WWOX: variants seen among roughly 807,000 people sequenced by gnomAD.
The protein encoded by WWOX is WW domain containing oxidoreductase.
A neutral mutation model predicts 46.2 loss-of-function variants in WWOX; 69 were observed. The ratio of observed to expected loss-of-function variants is 1.49; its 90% CI spans 1.23 to 1.82. The LOEUF (loss-of-function observed/expected upper bound fraction) is 1.82, where lower values mean the gene tolerates loss of function less well. Ranked by LOEUF, WWOX falls within the 40% of genes most tolerant of loss-of-function variation. WWOX has a pLI of 0.00. For synonymous variants in WWOX, 359 were observed against 202.6 expected, an observed-to-expected ratio of 1.77 and a Z score of -6.56; for missense variants, 919 against 542.6, an observed-to-expected ratio of 1.69 and a Z score of -6.89.
At chr16:78,624,253 C>A (rs16948208) in intron 8 of WWOX, among the ~76,000 whole-genome samples, 2,680 of 149,956 alleles carry the variant, frequency 0.018, 89 homozygotes, top group African/African-American at 0.062. Flanking sequence ...GGAAAACTCC[C>A]TGGGTGCCCC....
At chr16:78,251,655 C>A (rs2037987217) in intron 5 of WWOX, among the ~76,000 whole-genome samples, 1 of 152,206 alleles carries the variant, frequency 6.6e-6, no homozygotes. Flanking sequence ...AAAAACATTA[C>A]CGCTGAACCC....
chr16:79,188,607 G>C (rs561734100), intron 8 of WWOX, among the ~76,000 whole-genome samples: 2 of 152,274 alleles, frequency 1.3e-5, no homozygotes, highest in African/African-American at 4.8e-5. Flanking sequence ...TGTTTATCTA[G>C]CAATTCATTT....
At chr16:78,852,175 G>C (rs1306346911) in intron 8 of WWOX, among the ~76,000 whole-genome samples, 6 of 152,216 alleles carry the variant, frequency 3.9e-5, no homozygotes, top group African/African-American at 1.4e-4. Flanking sequence ...TCTAGAGAAA[G>C]GGAGATGAGC....
At chr16:78,390,957 G>A (rs985065787) in intron 6 of WWOX, among the ~76,000 whole-genome samples, 2 of 152,152 alleles carry the variant, frequency 1.3e-5, no homozygotes, top group Non-Finnish European at 2.9e-5. Context: ...GTATTATCAG[G>A]CTCTGAGTTC....
intron 7 of WWOX, 128 bp downstream of exon 7, chr16:78,425,183 C>G: frequency 7.8e-7 from 1 of 1,287,026 alleles, no homozygotes; most frequent in Non-Finnish European, 1.1e-6. Context: ...CTCAGCTTGG[C>G]TCACTTAATT....
At chr16:78,853,373 C>A (rs954844715) in intron 8 of WWOX, among the ~76,000 whole-genome samples, 1 of 152,162 alleles carries the variant, frequency 6.6e-6, no homozygotes, top group South Asian at 2.1e-4. Flanking sequence ...CCACGAAGCC[C>A]GACTGATTTT....
rs369959670 is a variant in WWOX, at chr16:79,211,723, A to G, written c.1172A>G (p.Glu391Gly). 60 of 1,614,206 alleles carry G rather than the reference A, an allele frequency of 3.7e-5. No homozygotes were observed. In the African/African-American group the frequency reaches 7.6e-4, roughly 20 times the overall value. Residue 391 changes from glutamate (E) to glycine (G), a missense_variant, in exon 9 of 9, where the codon GAA becomes GGA. Transcript: ENST00000566780. ...RCMPSPEAQS[E>G]ETARTLWALS... Reference sequence around the variant, plus strand: ...ATGCCCTCACCAGAAGCTCAGAGCGAAGAGACGGCCCGGACCCTGTGGGCG... The same window carrying G: ...ATGCCCTCACCAGAAGCTCAGAGCGGAGAGACGGCCCGGACCCTGTGGGCG...
intron 7 of WWOX, among the ~76,000 whole-genome samples, chr16:78,427,047 G>C (rs1040883282): frequency 6.6e-6 from 1 of 152,160 alleles, no homozygotes; most frequent in African/African-American, 2.4e-5. Flanking sequence ...GCATCCCTTG[G>C]CTCCCATGAG....
chr16:78,106,503 G>C (rs2032159269), intron 1 of WWOX, among the ~76,000 whole-genome samples: 1 of 140,234 alleles, frequency 7.1e-6, no homozygotes, highest in South Asian at 2.2e-4. Context: ...CGCAGCCTCT[G>C]CCTGCCGGGT....
chr16:79,196,793 C>G (rs1015634761), intron 8 of WWOX, among the ~76,000 whole-genome samples: 3 of 151,962 alleles, frequency 2.0e-5, no homozygotes, highest in African/African-American at 4.8e-5. Context: ...GTTCTATTTT[C>G]AAGGATACAG....
intron 8 of WWOX, among the ~76,000 whole-genome samples, chr16:78,652,024 A>C (rs1282292081): frequency 6.6e-6 from 1 of 152,106 alleles, no homozygotes; most frequent in Non-Finnish European, 1.5e-5. Flanking sequence ...TATTATTGGC[A>C]TTCCTAGGAC....
chr16:78,890,701 A>C (rs114572523), intron 8 of WWOX: 1 of 152,212 alleles, frequency 6.6e-6, no homozygotes, highest in African/African-American at 2.4e-5. Flanking sequence ...TGCCTTGTCT[A>C]TGGGCCACCT....
rs752745016 is a variant in WWOX, at chr16:78,674,525, T to G, written c.1056+241773T>G. 4.6e-4 allele frequency among the ~76,000 whole-genome samples: 70 copies of G among 152,130 alleles called. 1 individual carries two copies. Among genetic ancestry groups the G allele is most frequent in the Non-Finnish European group, 8.5e-4 (58 of 68,032 alleles). On this transcript the variant is annotated intron_variant, in intron 8 of 8. Coordinates refer to ENST00000566780, the MANE Select transcript of WWOX (RefSeq NM_016373.4). ...GTCTCAAACTCCTGACGTCAGGTGATCCACCCTCCTCAGCCTCCCAAAGTG... is the reference window on the plus strand; with the variant it reads ...GTCTCAAACTCCTGACGTCAGGTGAGCCACCCTCCTCAGCCTCCCAAAGTG...
chr16:79,023,261 C>A (rs1429042048), intron 8 of WWOX, among the ~76,000 whole-genome samples: 1 of 152,182 alleles, frequency 6.6e-6, no homozygotes, highest in Non-Finnish European at 1.5e-5. Context: ...AATTACTGTT[C>A]TCCCTTTGCA....
intron 8 of WWOX, among the ~76,000 whole-genome samples, chr16:78,914,836 G>C (rs983053024): frequency 7.0e-6 from 1 of 141,982 alleles, no homozygotes; most frequent in Non-Finnish European, 1.5e-5. Context: ...CCAGGATCGC[G>C]CCACTGCACT....
intron 8 of WWOX, among the ~76,000 whole-genome samples, chr16:78,545,329 G>C (rs1298913980): frequency 6.6e-6 from 1 of 152,096 alleles, no homozygotes; most frequent in African/African-American, 2.4e-5. Context: ...GGCGATTGTG[G>C]CCTGCTCCTC....
intron 8 of WWOX, among the ~76,000 whole-genome samples, chr16:78,976,765 C>T (rs1233264759): frequency 2.0e-5 from 3 of 152,162 alleles, no homozygotes; most frequent in South Asian, 4.1e-4. Flanking sequence ...CTGCAACTAC[C>T]GTTTAAAATA....
At chr16:78,728,426 G>T (rs544254278) in intron 8 of WWOX, among the ~76,000 whole-genome samples, 2 of 152,128 alleles carry the variant, frequency 1.3e-5, no homozygotes, top group Admixed American at 1.3e-4. Context: ...GAGAAAAGTG[G>T]CGTTGTGCTA....
chr16:78,212,817 G>A (rs891260919), intron 5 of WWOX, among the ~76,000 whole-genome samples: 1 of 152,164 alleles, frequency 6.6e-6, no homozygotes, highest in East Asian at 1.9e-4. Flanking sequence ...AACTTGAACT[G>A]CTTAAAATGG....
Sources: gnomAD v4.1 joint callset for allele counts (sites outside exome capture counted in the v4.1 genomes callset) on GRCh38, gnomAD v4.1.1 for gene constraint, MANE v1.5 for transcripts, NCBI Gene and HGNC (gene_info 2026-07-23, HGNC 2026-07-21) for gene names.